ANOS1: variants seen among roughly 807,000 people sequenced by gnomAD.
The protein encoded by ANOS1 is anosmin 1.
Under a neutral mutation model 59.0 loss-of-function variants are expected in ANOS1, and 6 were observed. The ratio of observed to expected loss-of-function variants is 0.10; its 90% confidence interval spans 0.06 to 0.20. The LOEUF (loss-of-function observed/expected upper bound fraction) is 0.20. Ranked by LOEUF, ANOS1 falls within the 10% of genes least tolerant of loss-of-function variation. ANOS1 has a pLI of 1.00. For synonymous variants in ANOS1, 217 were observed against 223.4 expected, an observed-to-expected ratio of 0.97 and a Z score of 0.25; for missense variants, 433 against 542.3, an observed-to-expected ratio of 0.80 and a Z score of 2.00.
chrX:8,593,847 T>A (rs1212216995), intron 4 of ANOS1, among the ~76,000 whole-genome samples: 1 of 111,113 alleles, frequency 9.0e-6, no homozygotes, highest in Admixed American at 9.6e-5. Flanking sequence ...CTAATTTTAT[T>A]ATGTTTGTAG....
At chrX:8,680,907 G>A (rs989883688) in intron 2 of ANOS1, among the ~76,000 whole-genome samples, 2 of 111,890 alleles carry the variant, frequency 1.8e-5, no homozygotes, top group Non-Finnish European at 3.8e-5. Context: ...CTTAAAAGCA[G>A]ACATAAATTT....
At chrX:8,712,016 G>C (rs1328725541) in intron 1 of ANOS1, among the ~76,000 whole-genome samples, 3 of 112,602 alleles carry the variant, frequency 2.7e-5, no homozygotes, top group African/African-American at 9.7e-5. Context: ...TGAAATATAT[G>C]ACTTTGTTTC....
Position 8,536,805 on chromosome X carries a change from C to G in ANOS1, c.1587G>C (p.Lys529Asn). ...TTPPCSALKG[K>N]SHKPVGCLGE... The stretch of plus-strand genomic sequence containing the variant: ...CCAGGCAGCCAACAGGCTTGTGGCT[C>G]TTCCCCTTAAGAGCAGAGCATGGTG... Residue 529 changes from lysine to asparagine, a missense_variant, in exon 11 of 14, where the codon AAG becomes AAC. Transcript: ENST00000262648. 1 of 1,209,723 alleles carries G rather than the reference C, an allele frequency of 8.3e-7. No homozygotes were observed. The highest frequency in any genetic ancestry group is 1.1e-6 in the Non-Finnish European group (1 of 894,268).
At chrX:8,672,547 A>G (rs769337341) in intron 2 of ANOS1, among the ~76,000 whole-genome samples, 2 of 112,249 alleles carry the variant, frequency 1.8e-5, no homozygotes, top group Non-Finnish European at 1.9e-5. Context: ...TTCCCAGCAT[A>G]TGAGTCTTTC....
intron 2 of ANOS1, among the ~76,000 whole-genome samples, chrX:8,689,048 G>A (rs751289711): frequency 9.0e-6 from 1 of 111,655 alleles, no homozygotes; most frequent in Non-Finnish European, 1.9e-5. Flanking sequence ...ACAGATGGAA[G>A]TTTGCAGCAA....
intron 4 of ANOS1, among the ~76,000 whole-genome samples, chrX:8,592,084 A>T (rs2146822918): frequency 8.9e-6 from 1 of 112,236 alleles, no homozygotes; most frequent in Non-Finnish European, 1.9e-5. Flanking sequence ...TAGAAAAATC[A>T]ATTAGGATAA....
intron 12 of ANOS1, 73 bp from the exon 13 acceptor site, chrX:8,534,533 A>T: frequency 9.2e-7 from 1 of 1,085,868 alleles, no homozygotes; most frequent in Non-Finnish European, 1.3e-6. Context: ...CAGAGAGCCT[A>T]GAACAGTTTT....
At chrX:8,572,348 T>A (rs1253714137) in intron 6 of ANOS1, among the ~76,000 whole-genome samples, 1 of 106,737 alleles carries the variant, frequency 9.4e-6, no homozygotes, top group African/African-American at 3.4e-5. Flanking sequence ...TGTGTTCTCA[T>A]CCTTCGGCTC....
chrX:8,553,591 T>C (rs1929891304), intron 9 of ANOS1, among the ~76,000 whole-genome samples: 1 of 110,452 alleles, frequency 9.1e-6, no homozygotes, highest in Non-Finnish European at 1.9e-5. Context: ...TAGGTGACTT[T>C]CCCCCCCTAC....
chrX:8,652,260 G>C (rs1931861299), intron 2 of ANOS1, among the ~76,000 whole-genome samples: 1 of 111,621 alleles, frequency 9.0e-6, no homozygotes, highest in Non-Finnish European at 1.9e-5. Flanking sequence ...ACTGCACCTG[G>C]CCTCCCATGT....
chrX:8,689,908 T>A (rs892849665), intron 2 of ANOS1, among the ~76,000 whole-genome samples: 39 of 111,875 alleles, frequency 3.5e-4, no homozygotes, highest in Non-Finnish European at 1.1e-4. Context: ...CATCCAGTGG[T>A]TTATATTAAT....
chrX:8,536,271 G>C (rs1218951821), intron 11 of ANOS1, among the ~76,000 whole-genome samples: 1 of 87,229 alleles, frequency 1.1e-5, no homozygotes. Context: ...CAGGGCTCAA[G>C]TGATTCTCTC....
At chrX:8,609,797 G>A (rs1021024085) in intron 3 of ANOS1, among the ~76,000 whole-genome samples, 6 of 109,445 alleles carry the variant, frequency 5.5e-5, no homozygotes, top group South Asian at 4.0e-4. Flanking sequence ...CACGAGGTCA[G>A]GAGATCGAGA....
rs775551919 is a variant in ANOS1, at chrX:8,701,013, A to AAAAT, written c.208-1272_208-1269dup. On this transcript the variant is annotated intron_variant, in intron 1 of 13. Transcript: ENST00000262648. ...AACAAGAGGAAAACTCCATCTCAAA[A>AAAAT]AAATAAATAAATAAATAAAATTGTA... is the stretch of plus-strand genomic sequence containing the variant. Among the ~76,000 whole-genome samples the AAAAT allele has an allele frequency of 1.4e-4, 16 of 112,072 alleles. No homozygotes were observed. In the South Asian group the frequency reaches 5.9e-3, roughly 41 times the overall value.
intron 2 of ANOS1, among the ~76,000 whole-genome samples, chrX:8,659,852 C>A (rs1021482801): frequency 1.8e-5 from 2 of 110,792 alleles, no homozygotes; most frequent in Non-Finnish European, 3.8e-5. Flanking sequence ...TGGTTTCAAA[C>A]TCCTGGCCTC....
chrX:8,553,760 A>G (rs1384662284), intron 9 of ANOS1, among the ~76,000 whole-genome samples, 192 bp downstream of exon 9: 5 of 112,165 alleles, frequency 4.5e-5, no homozygotes, highest in Admixed American at 2.8e-4. Context: ...TATCCCTGAA[A>G]GGAAAATATT....
chrX:8,604,006 C>A (rs768294913), intron 3 of ANOS1, among the ~76,000 whole-genome samples: 18 of 111,815 alleles, frequency 1.6e-4, no homozygotes, highest in Non-Finnish European at 3.2e-4. Flanking sequence ...CCTCACTCTA[C>A]CCCAGCTGCT....
chrX:8,727,073 A>G (rs772298056), intron 1 of ANOS1, among the ~76,000 whole-genome samples: 1 of 112,382 alleles, frequency 8.9e-6, no homozygotes, highest in Admixed American at 9.4e-5. Context: ...GCAGTCCACT[A>G]TATGCTCACA....
intron 2 of ANOS1, among the ~76,000 whole-genome samples, chrX:8,680,405 G>A (rs1330684753): frequency 9.0e-6 from 1 of 110,603 alleles, no homozygotes; most frequent in African/African-American, 3.3e-5. Flanking sequence ...TTAGAAAGAA[G>A]TAATAGTCAT....
Sources: gnomAD v4.1 joint callset for allele counts (sites outside exome capture counted in the v4.1 genomes callset) on GRCh38, gnomAD v4.1.1 for gene constraint, MANE v1.5 for transcripts, NCBI Gene and HGNC (gene_info 2026-07-23, HGNC 2026-07-21) for gene names.